Variants in ROBO2 observed in about 807,000 individuals in gnomAD.
ROBO2 encodes roundabout homolog 2.
A neutral mutation model predicts 160.8 loss-of-function variants in ROBO2; 53 were observed. The ratio of observed to expected loss-of-function variants is 0.33; its 90% CI spans 0.26 to 0.41. ROBO2 has a LOEUF of 0.41. Among genes scored for constraint, ROBO2 ranks in the 10% least tolerant of loss-of-function variants. ROBO2 has a pLI of 1.00. For missense variants in ROBO2, 1,577 were observed against 1,722.4 expected, an observed-to-expected ratio of 0.92 and a Z score of 1.49; for synonymous variants, 664 against 611.7, an observed-to-expected ratio of 1.09 and a Z score of -1.26.
chr3:76,394,615 C>T (rs1029654656), intron 2 of ROBO2, among the ~76,000 whole-genome samples: 5 of 151,898 alleles, frequency 3.3e-5, no homozygotes, highest in Non-Finnish European at 5.9e-5. Flanking sequence ...TTGCTCTTCT[C>T]GAGGAGTATC....
At chr3:76,574,628 C>G (rs2085171204) in intron 2 of ROBO2, among the ~76,000 whole-genome samples, 1 of 152,110 alleles carries the variant, frequency 6.6e-6, no homozygotes, top group African/African-American at 2.4e-5. Flanking sequence ...AGAGTATACC[C>G]ACTTCCTATC....
intron 2 of ROBO2, among the ~76,000 whole-genome samples, chr3:76,744,373 T>C (rs1164118874): frequency 6.6e-6 from 1 of 151,992 alleles, no homozygotes; most frequent in Non-Finnish European, 1.5e-5. Context: ...CTTCTTTTTC[T>C]TTTTGAGATA....
At chr3:77,222,490 CTT>C (rs1427833900) in intron 2 of ROBO2, among the ~76,000 whole-genome samples, 1 of 151,928 alleles carries the variant, frequency 6.6e-6, no homozygotes, top group Non-Finnish European at 1.5e-5. Context: ...TAAATGGAAA[CTT>C]ATTTTTAAAT....
chr3:76,239,398 T>A (rs1705157136), intron 2 of ROBO2, among the ~76,000 whole-genome samples: 1 of 151,946 alleles, frequency 6.6e-6, no homozygotes, highest in African/African-American at 2.4e-5. Flanking sequence ...TGTATCTAGA[T>A]AATGTGTATA....
At chr3:77,267,790 C>A (rs1386292935) in intron 2 of ROBO2, among the ~76,000 whole-genome samples, 1 of 152,024 alleles carries the variant, frequency 6.6e-6, no homozygotes, top group African/African-American at 2.4e-5. Flanking sequence ...GCCCTAGGGG[C>A]GTCATTTGCC....
At chr3:77,127,081 G>A (rs2075406124) in intron 2 of ROBO2, among the ~76,000 whole-genome samples, 1 of 151,938 alleles carries the variant, frequency 6.6e-6, no homozygotes, top group Non-Finnish European at 1.5e-5. Flanking sequence ...GAGCCACCAC[G>A]CCAGGCCGAA....
intron 2 of ROBO2, among the ~76,000 whole-genome samples, chr3:75,969,195 A>G (rs2064910864): frequency 6.8e-6 from 1 of 147,640 alleles, no homozygotes; most frequent in South Asian, 2.1e-4. Flanking sequence ...TATATAATAT[A>G]TTATAACTAT....
intron 1 of ROBO2, among the ~76,000 whole-genome samples, chr3:77,075,709 G>C (rs1307217464): frequency 1.0e-5 from 1 of 96,262 alleles, no homozygotes; most frequent in Non-Finnish European, 1.8e-5. Context: ...ATGGAGTCTT[G>C]CTCGTGTCAC....
At chr3:77,126,782 C>CTTTTTTT (rs11365042) in intron 2 of ROBO2, among the ~76,000 whole-genome samples, 7 of 62,630 alleles carry the variant, frequency 1.1e-4, no homozygotes, top group South Asian at 5.9e-4. Flanking sequence ...TTTGAAACTT[C>CTTTTTTT]TTTTTTTTTT....
rs59290141 is a variant in ROBO2 at position 76,095,749 on chromosome 3, GACAC to G, written c.109+158183_109+158186del. Among the ~76,000 whole-genome samples, 1,061 of 148,024 alleles carry G rather than the reference GACAC, an allele frequency of 7.2e-3. 12 individuals are homozygous for G. The highest frequency in any genetic ancestry group is 0.05 in the East Asian group (247 of 4,912). On this transcript the variant is annotated intron_variant, in intron 2 of 26. Transcript: ENST00000487694. ...TATATACAAGACACATAGTATGCTT[GACAC>G]ACACACACACACACACACACACACA...
chr3:77,190,184 C>T (rs900003554), intron 2 of ROBO2, among the ~76,000 whole-genome samples: 1 of 151,804 alleles, frequency 6.6e-6, no homozygotes, highest in African/African-American at 2.4e-5. Flanking sequence ...TGCAAAGATC[C>T]TATCTATATT....
intron 2 of ROBO2, among the ~76,000 whole-genome samples, chr3:76,269,386 T>A (rs1707290497): frequency 1.3e-5 from 2 of 152,092 alleles, no homozygotes. Context: ...TTTCTTCTCT[T>A]CCATTGCTTC....
At chr3:77,290,932 T>C (rs2061140772) in intron 2 of ROBO2, among the ~76,000 whole-genome samples, 3 of 78,526 alleles carry the variant, frequency 3.8e-5, no homozygotes, top group African/African-American at 1.0e-4. Context: ...GTAGAATTGA[T>C]GTTTAAATGG....
At chr3:77,622,007 A>G (rs2094911948) in intron 22 of ROBO2, among the ~76,000 whole-genome samples, 1 of 152,058 alleles carries the variant, frequency 6.6e-6, no homozygotes, top group Admixed American at 6.6e-5. Context: ...GTGTTATCCT[A>G]TAAATACCAA....
intron 2 of ROBO2, among the ~76,000 whole-genome samples, chr3:76,944,351 T>C (rs1439592073): frequency 6.6e-6 from 1 of 152,178 alleles, no homozygotes; most frequent in Non-Finnish European, 1.5e-5. Flanking sequence ...ATTTGGTATT[T>C]CAAAAATAAA....
intron 2 of ROBO2, among the ~76,000 whole-genome samples, chr3:75,943,099 T>A (rs1367873839): frequency 6.6e-6 from 1 of 152,150 alleles, no homozygotes; most frequent in Non-Finnish European, 1.5e-5. Context: ...GTATTTCTGA[T>A]CATCAGGGTC....
intron 2 of ROBO2, among the ~76,000 whole-genome samples, chr3:76,366,958 A>G (rs1447363289): frequency 6.6e-6 from 1 of 152,036 alleles, no homozygotes; most frequent in Non-Finnish European, 1.5e-5. Context: ...GAATAAAATA[A>G]TAGCATTGCC....
At chr3:76,173,821 CAT>C (rs2073129329) in intron 2 of ROBO2, among the ~76,000 whole-genome samples, 2 of 152,192 alleles carry the variant, frequency 1.3e-5, no homozygotes, top group East Asian at 1.9e-4. Context: ...TTGCAATAAA[CAT>C]ATATTTGCAT....
intron 2 of ROBO2, among the ~76,000 whole-genome samples, chr3:76,608,237 A>T (rs1174728141): frequency 5.9e-5 from 9 of 151,730 alleles, no homozygotes; most frequent in Non-Finnish European, 1.2e-4. Context: ...ATCCTTTCTC[A>T]CCCTTCTTGG....
Sources: gnomAD v4.1 joint callset for allele counts (sites outside exome capture counted in the v4.1 genomes callset) on GRCh38, gnomAD v4.1.1 for gene constraint, MANE v1.5 for transcripts, NCBI Gene and HGNC (gene_info 2026-07-23, HGNC 2026-07-21) for gene names.